GLMN: variants seen among roughly 807,000 people sequenced by gnomAD.
GLMN encodes glomulin.
A neutral mutation model predicts 87.8 loss-of-function variants in GLMN; 75 were observed. That is an observed-to-expected ratio of 0.85 (90% CI 0.71 to 1.04). The LOEUF (loss-of-function observed/expected upper bound fraction) is 1.04, where lower values mean the gene tolerates loss of function less well. Among genes scored for constraint, GLMN ranks in the 50% least tolerant of loss-of-function variants. The probability of loss-of-function intolerance (pLI) is 0.00; values close to 1 mark genes in which losing one functional copy is unlikely to be tolerated. For missense variants in GLMN, 588 were observed against 658.8 expected (o/e 0.89, Z 1.18); for synonymous variants, 206 against 221.6 (o/e 0.93, Z 0.63).
At chr1:92,278,654 C>T (rs113037870) in intron 7 of GLMN, among the ~76,000 whole-genome samples, 4 of 152,270 alleles carry the variant, frequency 2.6e-5, no homozygotes, top group Admixed American at 1.3e-4. Flanking sequence ...CTCCTTGCTG[C>T]TTCTACACCA....
Position 92,269,743 on chromosome 1 carries a change from G to T in GLMN, c.957C>A (p.His319Gln). 6.2e-7 allele frequency: 1 copy of T among 1,608,446 alleles called. No homozygotes were observed. The highest frequency in any genetic ancestry group is 8.5e-7 in the Non-Finnish European group (1 of 1,175,060). Reference protein sequence around the residue: ...PLYLLQFNMGHIEVFLQRTEE... With the variant: ...PLYLLQFNMGQIEVFLQRTEE... ...CTTACCTTTGCAAAAAGACTTCAAT[G>T]TGCCCCATATTAAACTGCAAAAGGT... The change falls in exon 9 of 19, where the codon CAC (histidine) becomes CAA (glutamine). Residue 319 changes from histidine to glutamine, a missense_variant. By Grantham distance (24) the His-to-Gln change is conservative. Transcript: ENST00000370360.
chr1:92,279,227 G>A (rs894581972), intron 7 of GLMN, among the ~76,000 whole-genome samples: 2 of 152,058 alleles, frequency 1.3e-5, no homozygotes, highest in African/African-American at 2.4e-5. Flanking sequence ...AGGCTGAGGC[G>A]GGTGGATCAC....
chr1:92,297,120 T>C (rs559278415), intron 3 of GLMN, among the ~76,000 whole-genome samples: 17 of 150,640 alleles, frequency 1.1e-4, no homozygotes, highest in South Asian at 2.1e-4. Flanking sequence ...CTTTTCTTTT[T>C]TTTTTTTTTT....
the GLMN span, among the ~76,000 whole-genome samples, chr1:92,342,886 C>T: frequency 2.0e-5 from 3 of 152,162 alleles, no homozygotes; most frequent in South Asian, 2.1e-4. Flanking sequence ...GGATGAGGAG[C>T]CCAATTTTGG....
At chr1:92,323,628 AAAT>A in the GLMN span, 7 of 1,614,084 alleles carry the variant, frequency 4.3e-6, no homozygotes, top group South Asian at 1.1e-5. Flanking sequence ...CAAATTCAAC[AAAT>A]ATTAGACCAC....
At chr1:92,271,403 T>C in intron 8 of GLMN, 62 bp downstream of exon 8, 1 of 1,237,664 alleles carries the variant, frequency 8.1e-7, no homozygotes, top group Non-Finnish European at 1.2e-6. Context: ...GGACATTAGA[T>C]AAATGAGAAT....
intron 2 of GLMN, 140 bp downstream of exon 2, chr1:92,297,821 C>T (rs1337724524): frequency 1.6e-6 from 1 of 641,916 alleles, no homozygotes; most frequent in East Asian, 2.7e-5. Context: ...TCTGCCTCCC[C>T]CACTCATGCT....
At chr1:92,307,131 G>C in the GLMN span, 1 of 1,151,782 alleles carries the variant, frequency 8.7e-7, no homozygotes, top group East Asian at 2.4e-5. Flanking sequence ...ACTCTCAACT[G>C]TATGTAGGTA....
chr1:92,311,163 C>CA, the GLMN span, among the ~76,000 whole-genome samples: 1 of 152,198 alleles, frequency 6.6e-6, no homozygotes, highest in Non-Finnish European at 1.5e-5. Context: ...GGATTTAGCT[C>CA]ACGTTTTTGG....
chr1:92,360,821 C>T, the GLMN span, among the ~76,000 whole-genome samples: 1 of 152,052 alleles, frequency 6.6e-6, no homozygotes, highest in Non-Finnish European at 1.5e-5. Flanking sequence ...ATTACTGTTA[C>T]ATTCATTACT....
chr1:92,346,375 G>A, the GLMN span, among the ~76,000 whole-genome samples: 1 of 151,892 alleles, frequency 6.6e-6, no homozygotes, highest in Admixed American at 6.6e-5. Flanking sequence ...TATTGCCCAG[G>A]CTGGTCTTGA....
chr1:92,359,621 T>C, the GLMN span, among the ~76,000 whole-genome samples: 48 of 152,356 alleles, frequency 3.2e-4, no homozygotes, highest in African/African-American at 1.1e-3. Flanking sequence ...TGCCTGGCAA[T>C]GCACTTGGTT....
At chr1:92,306,044 A>T in the GLMN span, among the ~76,000 whole-genome samples, 60 of 152,316 alleles carry the variant, frequency 3.9e-4, no homozygotes, top group African/African-American at 1.4e-3. Context: ...ATTAGCCTTT[A>T]AAAAAAGGAA....
At chr1:92,301,957 C>A (rs1447981514), upstream of GLMN, among the ~76,000 whole-genome samples, 3 of 152,116 alleles carry the variant, frequency 2.0e-5, no homozygotes. Flanking sequence ...TCACATACTA[C>A]CCCACAAATA....
intron 16 of GLMN, among the ~76,000 whole-genome samples, chr1:92,258,254 CAG>C (rs35493870): frequency 0.47 from 71,593 of 151,236 alleles, 17,811 homozygotes; most frequent in East Asian, 0.96. Flanking sequence ...CAGGAAACAA[CAG>C]ATGCTGGAGA....
chr1:92,263,818 G>A lies in GLMN; in HGVS notation c.1300-86C>T, dbSNP rs1407698393. ...AATACCTTGACACTACAAAAATGAAGAATTGCACATTTAAAATACAGTTTT... is the reference window on the plus strand; with the variant it reads ...AATACCTTGACACTACAAAAATGAAAAATTGCACATTTAAAATACAGTTTT... On this transcript the variant is annotated intron_variant, in intron 14 of 18. Coordinates refer to ENST00000370360, the MANE Select transcript of GLMN (RefSeq NM_053274.3). 5 of 780,808 alleles carry A rather than the reference G, an allele frequency of 6.4e-6. No homozygotes were observed. In the Admixed American group the frequency reaches 8.7e-5, roughly 14 times the overall value. 48.4% of individuals were successfully genotyped at this position (780,808 alleles called of 1,614,324 possible).
At chr1:92,256,753 C>A (rs951698774) in intron 16 of GLMN, among the ~76,000 whole-genome samples, 1 of 152,102 alleles carries the variant, frequency 6.6e-6, no homozygotes, top group Non-Finnish European at 1.5e-5. Context: ...TGGAACGTAT[C>A]TCAAAATAAT....
upstream of GLMN, among the ~76,000 whole-genome samples, chr1:92,299,823 C>CT (rs1459588642): frequency 2.6e-5 from 4 of 152,212 alleles, no homozygotes; most frequent in East Asian, 7.7e-4. Context: ...GTGTAGGAAT[C>CT]TATCTTGTAC....
chr1:92,309,179 T>C, the GLMN span, among the ~76,000 whole-genome samples: 52 of 152,174 alleles, frequency 3.4e-4, no homozygotes, highest in Non-Finnish European at 6.5e-4. Flanking sequence ...CGTGGTGGCT[T>C]ACACCTGTAA....
Sources: allele counts gnomAD v4.1 joint callset (sites outside exome capture counted in the v4.1 genomes callset), GRCh38; gene constraint gnomAD v4.1.1; transcripts MANE v1.5; gene names NCBI Gene and HGNC (gene_info 2026-07-23, HGNC 2026-07-21).